Variants in TAP2 observed in about 807,000 individuals in gnomAD.
TAP2 encodes transporter 2, ATP binding cassette subfamily B member, also known as antigen peptide transporter 2.
TAP2 carries 49 observed loss-of-function variants against 74.7 expected under a neutral mutation model. The ratio of observed to expected loss-of-function variants is 0.66; its 90% CI spans 0.52 to 0.83. TAP2 has a LOEUF of 0.83. Among genes scored for constraint, TAP2 ranks in the 40% least tolerant of loss-of-function variants. TAP2 has a pLI of 0.00. For missense variants in TAP2, 739 were observed against 859.0 expected (o/e 0.86, Z 1.75); for synonymous variants, 306 against 368.4 (o/e 0.83, Z 1.94).
rs966957765 is a variant in TAP2, at chr6:32,825,474, T to TA, written c.*3431dup. The TA allele has an allele frequency of 3.3e-4, 50 of 152,202 alleles. No individual in the cohort carries two copies. The highest frequency in any genetic ancestry group is 1.1e-3 in the African/African-American group (45 of 41,464). 9.4% of individuals were successfully genotyped at this position (152,202 alleles called of 1,614,324 possible). On this transcript the variant is annotated 3_prime_UTR_variant, in exon 12 of 12. Transcript: ENST00000374897. ...AAAATAAAGTTCAGAACAGTGAACT[T>TA]AGACAGCTGCTGTTTGCGAAAATAC... is the stretch of plus-strand genomic sequence containing the variant.
At chr6:32,830,137 CA>C (rs768587338) in intron 9 of TAP2, 48 bp from the exon 10 acceptor site, 1 of 1,612,874 alleles carries the variant, frequency 6.2e-7, no homozygotes. Context: ...ACCCCCAAGG[CA>C]GGGGCCCTTT....
Position 32,828,679 on chromosome 6 carries a change from C to CCCCCCACCA in TAP2, c.*226_*227insTGGTGGGGG. ...TAAGTTTCCTGGACACAGACAGCCCCCACCCCACCCCACCCCACCTCTCTA... is the reference window on the plus strand; with the variant it reads ...TAAGTTTCCTGGACACAGACAGCCCCCCCCCACCACACCCCACCCCACCCCACCTCTCTA... On this transcript the variant is annotated 3_prime_UTR_variant, in exon 12 of 12. Transcript: ENST00000374897. 2.1e-6 allele frequency: 2 copies of CCCCCCACCA among 948,140 alleles called. No individual in the cohort carries two copies. The highest frequency in any genetic ancestry group is 1.3e-6 in the Non-Finnish European group (1 of 788,692). 58.7% of individuals were successfully genotyped at this position (948,140 alleles called of 1,614,324 possible).
chr6:32,822,255 G>T, downstream of TAP2: 1 of 1,489,768 alleles, frequency 6.7e-7, no homozygotes, highest in South Asian at 1.2e-5. Context: ...TCGTTCATTT[G>T]AACTCATTAT....
At position 32,832,473 on chromosome 6, in the gene TAP2, G is replaced by A. The variant is rs776854433; in HGVS notation, c.1144-12C>T. ...CCCAAGTGCAGCACCTGGAAGAGGA[G>A]AAGAAAGAGATGAGGCTGGGAATCT... On this transcript the variant is annotated splice_polypyrimidine_tract_variant and intron_variant, in intron 6 of 11. Transcript: ENST00000374897. The surrounding 1 kb of genome is among the most constrained non-coding windows in gnomAD (Gnocchi z 5.9). 16 of 1,612,046 alleles carry A rather than the reference G, an allele frequency of 9.9e-6. No homozygotes were observed. Among genetic ancestry groups the A allele is most frequent in the South Asian group, 8.8e-5 (8 of 90,892 alleles).
chr6:32,836,071 T>C (rs370543320), intron 3 of TAP2, among the ~76,000 whole-genome samples: 111 of 152,288 alleles, frequency 7.3e-4, no homozygotes, highest in African/African-American at 2.6e-3. Flanking sequence ...AAAACTACAA[T>C]AGAAGGGAAA....
At chr6:32,829,640 TGGGAGGGCCCAGTGCG>T in intron 10 of TAP2, 104 bp from the exon 11 acceptor site, 1 of 1,558,842 alleles carries the variant, frequency 6.4e-7, no homozygotes, top group South Asian at 1.1e-5. Flanking sequence ...CCTCGGGAGG[TGGGAGGGCCCAGTGCG>T]GGGAGGGCCC....
In TAP2 at chr6:32,830,268, T is replaced by TGGG; in HGVS notation, c.1633_1634insCCC (p.Ser544_Gln545insPro). 1 of 1,613,098 alleles carries TGGG rather than the reference T, an allele frequency of 6.2e-7. No homozygotes were observed. Among genetic ancestry groups the TGGG allele is most frequent in the Non-Finnish European group, 8.5e-7 (1 of 1,180,006 alleles). ...CCTGTCTTCTCCCTCCTCACCCACC[T>TGGG]GGCTGTGCAGGTAGCAGTGTTCATA... On this transcript the variant is annotated inframe_insertion and splice_region_variant, in exon 9 of 12. Transcript: ENST00000374897.
chr6:32,829,667 A>G, intron 10 of TAP2, 131 bp from the exon 11 acceptor site: 1 of 1,413,342 alleles, frequency 7.1e-7, no homozygotes, highest in Non-Finnish European at 9.8e-7. Context: ...GGGAGGGCCC[A>G]GTGGGAGGAG....
rs908238984 is a variant in TAP2 at position 32,830,275 on chromosome 6, G to A, written c.1627C>T (p.His543Tyr). The change falls in exon 9 of 12, where the codon CAC becomes TAC. Residue 543 changes from histidine (H) to tyrosine (Y), a missense_variant. Physicochemically the swap from His to Tyr is moderately conservative, Grantham distance 83. Coordinates refer to ENST00000374897, the MANE Select transcript of TAP2 (RefSeq NM_001290043.2). ...TCTCCCTCCTCACCCACCTGGCTGT[G>A]CAGGTAGCAGTGTTCATACTGTGAG... Reference protein sequence around the residue: ...PISQYEHCYLHSQVVSVGQEP... With the variant: ...PISQYEHCYLYSQVVSVGQEP... The A allele has an allele frequency of 1.2e-6, 2 of 1,612,964 alleles. No individual in the cohort carries two copies. Among genetic ancestry groups the A allele is most frequent in the African/African-American group, 2.7e-5 (2 of 74,910 alleles).
chr6:32,823,487 A>C (rs978800829), downstream of TAP2, among the ~76,000 whole-genome samples: 1 of 118,146 alleles, frequency 8.5e-6, no homozygotes, highest in African/African-American at 3.2e-5. Context: ...CTTGTTTGGT[A>C]AGACGAATGT....
Position 32,827,135 on chromosome 6 carries a change from A to G in TAP2, c.*1771T>C, listed in dbSNP as rs989575200. The G allele has an allele frequency of 1.8e-5, 18 of 985,564 alleles. No individual in the cohort carries two copies. The African/African-American group carries it at 3.0e-4, about 16-fold the overall frequency. 61.1% of individuals were successfully genotyped at this position (985,564 alleles called of 1,614,324 possible). A position where few individuals can be genotyped will look rare whatever the true frequency, so the allele number is the denominator to read the frequency against. On this transcript the variant is annotated 3_prime_UTR_variant, in exon 12 of 12. Transcript: ENST00000374897. ...TGCCAGGCAAGAAAAAATCCAAAAC[A>G]GCAGTTCTGGGGAATTCATTGCCAG... is the stretch of plus-strand genomic sequence containing the variant.
chr6:32,835,796 G>C lies in TAP2; in HGVS notation c.609-23C>G, dbSNP rs771771105. The C allele has an allele frequency of 1.9e-5, 30 of 1,613,016 alleles. No individual in the cohort carries two copies. Among genetic ancestry groups the C allele is most frequent in the Non-Finnish European group, 1.2e-5 (14 of 1,179,962 alleles). On this transcript the variant is annotated intron_variant, in intron 3 of 11. Coordinates refer to ENST00000374897, the MANE Select transcript of TAP2 (RefSeq NM_001290043.2). This position sits in a 1 kb window ranked among gnomAD's most constrained non-coding sequence, Gnocchi z 4.0. Reference sequence around the variant, plus strand: ...GAGCTGTGGGGTAGGAGAATAAGAGGGGAGGGAGATGCAGAGAAGGAGCAA... The same window carrying C: ...GAGCTGTGGGGTAGGAGAATAAGAGCGGAGGGAGATGCAGAGAAGGAGCAA...
At chr6:32,822,372 T>C, downstream of TAP2, 1 of 1,148,064 alleles carries the variant, frequency 8.7e-7, no homozygotes, top group Non-Finnish European at 1.2e-6. Flanking sequence ...TTTTTTAATC[T>C]GTGCTAGAAT....
At chr6:32,837,500 T>C (rs754463435) in intron 3 of TAP2, 37 bp downstream of exon 3, 5 of 1,571,158 alleles carry the variant, frequency 3.2e-6, no homozygotes, top group Non-Finnish European at 4.4e-6. Flanking sequence ...TATAAAGATT[T>C]GGGGCTAGCA....
chr6:32,837,493 A>G lies in TAP2; in HGVS notation c.608+44T>C, dbSNP rs761174553. The stretch of plus-strand genomic sequence containing the variant: ...GAGTTAGGGAAGTGAAGACCCCTAT[A>G]AAGATTTGGGGCTAGCAAATGGACC... On this transcript the variant is annotated intron_variant, in intron 3 of 11. Coordinates refer to ENST00000374897, the MANE Select transcript of TAP2 (RefSeq NM_001290043.2). The G allele has an allele frequency of 2.7e-5, 42 of 1,546,528 alleles. No homozygotes were observed. In the Middle Eastern group the frequency reaches 8.3e-4, roughly 31 times the overall value.
At chr6:32,838,378 C>A (rs902316681) in intron 1 of TAP2, 141 bp from the exon 2 acceptor site, 2 of 1,224,430 alleles carry the variant, frequency 1.6e-6, no homozygotes, top group Non-Finnish European at 2.2e-6. Flanking sequence ...TCCTGAGTAA[C>A]CGGTGCTCAT....
rs901037652 is a variant in TAP2 at position 32,835,887 on chromosome 6, C to G, written c.609-114G>C. ...AAGCGCAAAGTCAGGGGAAAGCATG[C>G]CAGGAGGGGCAAAAGAGAAAGAAAT... On this transcript the variant is annotated intron_variant, in intron 3 of 11. Coordinates refer to ENST00000374897, the MANE Select transcript of TAP2 (RefSeq NM_001290043.2). This position sits in a 1 kb window ranked among gnomAD's most constrained non-coding sequence, Gnocchi z 4.0. The G allele has an allele frequency of 2.3e-6, 3 of 1,326,214 alleles. No homozygotes were observed. Among genetic ancestry groups the G allele is most frequent in the East Asian group, 2.3e-5 (1 of 42,762 alleles). 82.2% of individuals were successfully genotyped at this position (1,326,214 alleles called of 1,614,324 possible).
In TAP2 at chr6:32,832,276, G is replaced by T; in HGVS notation, c.1272+57C>A. On this transcript the variant is annotated intron_variant, in intron 7 of 11. Coordinates refer to ENST00000374897, the MANE Select transcript of TAP2 (RefSeq NM_001290043.2). The surrounding 1 kb of genome is among the most constrained non-coding windows in gnomAD (Gnocchi z 5.9). ...AGAACAAATAAAGCCCAAGGCCCAG[G>T]AGTCCACAAAGAAAAAGAGAGGGAA... The T allele has an allele frequency of 1.9e-6, 3 of 1,611,920 alleles. No individual in the cohort carries two copies. Among genetic ancestry groups the T allele is most frequent in the Non-Finnish European group, 2.5e-6 (3 of 1,179,374 alleles).
In TAP2 at chr6:32,837,416, A is replaced by G. The variant is rs992010504; in HGVS notation, c.608+121T>C. ...AAACAGAATGGTGACTACATTCACC[A>G]TATTTTAGTTTAAGTATTTTTGTGT... On this transcript the variant is annotated intron_variant, in intron 3 of 11. Transcript: ENST00000374897. The G allele has an allele frequency of 6.4e-6, 5 of 781,534 alleles. No individual in the cohort carries two copies. The African/African-American group carries it at 6.9e-5, about 11-fold the overall frequency. The allele number at this position is 781,534 out of a possible 1,614,324, so 48.4% of individuals were successfully genotyped here. A position where few individuals can be genotyped will look rare whatever the true frequency, so the allele number is the denominator to read the frequency against.
Sources: gnomAD v4.1 joint callset for allele counts (sites outside exome capture counted in the v4.1 genomes callset) on GRCh38, gnomAD v4.1.1 for gene constraint, Gnocchi (gnomAD v3.1) non-coding constraint, MANE v1.5 for transcripts, NCBI Gene and HGNC (gene_info 2026-07-23, HGNC 2026-07-21) for gene names.